The following ARHGEF28 variants were observed in gnomAD, a reference collection of about 807,000 sequenced individuals.
ARHGEF28 encodes 190 kDa guanine nucleotide exchange factor.
A neutral mutation model predicts 206.6 loss-of-function variants in ARHGEF28; 152 were observed. That is an observed-to-expected ratio of 0.74 (90% CI 0.64 to 0.84). The LOEUF (loss-of-function observed/expected upper bound fraction) is 0.84, where lower values mean the gene tolerates loss of function less well. ARHGEF28 is among the 40% of genes least tolerant of loss of function. ARHGEF28 has a pLI of 0.00. For missense variants in ARHGEF28, 2,028 were observed against 2,073.2 expected, an observed-to-expected ratio of 0.98 and a Z score of 0.42; for synonymous variants, 763 against 776.4, an observed-to-expected ratio of 0.98 and a Z score of 0.29.
chr5:73,665,438 C>G (rs909592606), intron 1 of ARHGEF28, among the ~76,000 whole-genome samples: 1 of 152,186 alleles, frequency 6.6e-6, no homozygotes, highest in Non-Finnish European at 1.5e-5. Context: ...CCTCCCACCT[C>G]AGCCTCCCAA....
chr5:73,857,580 CACACACAT>C (rs1180666013), intron 14 of ARHGEF28, 68 bp from the exon 15 acceptor site: 1,463 of 1,410,518 alleles, frequency 1.0e-3, no homozygotes, highest in Middle Eastern at 1.5e-3. Flanking sequence ...CACACACACA[CACACACAT>C]ACACACACAC....
At chr5:73,794,547 A>T in intron 8 of ARHGEF28, 93 bp downstream of exon 8, 1 of 1,013,550 alleles carries the variant, frequency 9.9e-7, no homozygotes, top group Non-Finnish European at 1.5e-6. Context: ...AAAAACACTA[A>T]AAAAAGGATG....
Position 73,901,203 on chromosome 5 carries a change from A to C in ARHGEF28, c.3993A>C (p.Arg1331Ser). The change falls in exon 31 of 36, where the codon AGA becomes AGC. Residue 1331 changes from arginine (R) to serine (S), a missense_variant. By Grantham distance (110) the Arg-to-Ser change is moderately radical. This residue lies in a region of ARHGEF28 where 803 missense variants were observed against 768.0 expected (regional missense o/e 1.05). Coordinates refer to ENST00000513042, the MANE Select transcript of ARHGEF28 (RefSeq NM_001177693.2). ...TTCCAGCATTAGTCACAGGAGGGAG[A>C]GAAGGAAGAGGCTGTTCGGATGTGG... ...SPTASLVTGG[R>S]EGRGCSDVDP... The C allele has an allele frequency of 1.2e-6, 2 of 1,613,068 alleles. No individual in the cohort carries two copies. The highest frequency in any genetic ancestry group is 1.7e-6 in the Non-Finnish European group (2 of 1,179,554).
intron 2 of ARHGEF28, among the ~76,000 whole-genome samples, chr5:73,731,467 G>A (rs112923105): frequency 2.0e-5 from 3 of 152,280 alleles, no homozygotes; most frequent in African/African-American, 4.8e-5. Context: ...TGGTTTTAAG[G>A]AAAGAATTGG....
chr5:73,640,688 A>G (rs1459463122), intron 1 of ARHGEF28, among the ~76,000 whole-genome samples: 1 of 152,212 alleles, frequency 6.6e-6, no homozygotes, highest in Non-Finnish European at 1.5e-5. Context: ...TTGCATTTCC[A>G]GTTTCCTCAT....
intron 1 of ARHGEF28, among the ~76,000 whole-genome samples, chr5:73,670,149 C>T (rs1156500310): frequency 6.6e-6 from 1 of 152,198 alleles, no homozygotes; most frequent in Non-Finnish European, 1.5e-5. Flanking sequence ...TCCCTTCCCC[C>T]AGTGTGGTGT....
At chr5:73,663,351 C>G (rs1745737571) in intron 1 of ARHGEF28, among the ~76,000 whole-genome samples, 1 of 152,188 alleles carries the variant, frequency 6.6e-6, no homozygotes, top group South Asian at 2.1e-4. Context: ...GGGCACTAGG[C>G]ACCGAGTGCT....
chr5:73,746,341 A>G (rs1333631369), intron 2 of ARHGEF28, among the ~76,000 whole-genome samples: 2 of 152,148 alleles, frequency 1.3e-5, no homozygotes, highest in Non-Finnish European at 2.9e-5. Flanking sequence ...GAATGCAATT[A>G]AAAAGGGTGC....
At chr5:73,687,385 A>G (rs1747539066) in intron 2 of ARHGEF28, among the ~76,000 whole-genome samples, 1 of 66,912 alleles carries the variant, frequency 1.5e-5, no homozygotes. Context: ...TATATTTAAC[A>G]TAACTGACAC....
At chr5:73,857,545 A>G (rs1265684668) in intron 14 of ARHGEF28, 111 bp from the exon 15 acceptor site, 1 of 1,132,330 alleles carries the variant, frequency 8.8e-7, no homozygotes, top group South Asian at 2.1e-5. Context: ...GAAAAAATAC[A>G]TACACATACA....
rs762044536 is a variant in ARHGEF28 at position 73,892,226 on chromosome 5, G to A, written c.3562G>A (p.Glu1188Lys). The A allele has an allele frequency of 1.9e-6, 3 of 1,560,092 alleles. No homozygotes were observed. The highest frequency in any genetic ancestry group is 2.6e-6 in the Non-Finnish European group (3 of 1,150,968). ...NWMRRIQQAV[E>K]SCPEEKGGRT... is the part of the protein sequence containing the mutation. ...GATGAGACGGATCCAGCAGGCTGTA[G>A]AAAGGTAACATTTCCTTCCGTCCAT... Residue 1188 changes from glutamate to lysine, a missense_variant, in exon 27 of 36, where the codon GAA (glutamate) becomes AAA (lysine). Around this residue, in one of 3 missense-constraint regions of ARHGEF28, gnomAD observed 803 missense variants for 768.0 expected, o/e 1.05. Coordinates refer to ENST00000513042, the MANE Select transcript of ARHGEF28 (RefSeq NM_001177693.2).
chr5:73,645,468 T>C (rs1744371762), intron 1 of ARHGEF28, among the ~76,000 whole-genome samples: 1 of 152,210 alleles, frequency 6.6e-6, no homozygotes, highest in African/African-American at 2.4e-5. Context: ...GAAAATACCA[T>C]ACTCTGATAG....
chr5:73,668,548 C>A (rs927702245), intron 1 of ARHGEF28, among the ~76,000 whole-genome samples: 1 of 152,204 alleles, frequency 6.6e-6, no homozygotes, highest in Non-Finnish European at 1.5e-5. Flanking sequence ...CTTAAAGGTT[C>A]CACTTGTCAA....
intron 2 of ARHGEF28, among the ~76,000 whole-genome samples, chr5:73,715,307 C>A (rs1749516672): frequency 1.3e-5 from 2 of 152,238 alleles, no homozygotes; most frequent in South Asian, 4.1e-4. Flanking sequence ...TTGTGGTTGC[C>A]CCTGCCACTA....
chr5:73,892,246 G>A lies in ARHGEF28; in HGVS notation c.3566+16G>A, dbSNP rs79394154. On this transcript the variant is annotated intron_variant, in intron 27 of 35. Transcript: ENST00000513042. ...CTGTAGAAAGGTAACATTTCCTTCC[G>A]TCCATAATCTATGGAACAGAGTTGT... 6,910 of 1,552,106 alleles carry A rather than the reference G, an allele frequency of 4.5e-3. 146 individuals are homozygous for A. In the African/African-American group the frequency reaches 0.055, roughly 12 times the overall value.
intron 2 of ARHGEF28, among the ~76,000 whole-genome samples, chr5:73,729,783 A>C (rs573197432): frequency 2.0e-5 from 3 of 152,300 alleles, no homozygotes; most frequent in South Asian, 4.1e-4. Flanking sequence ...AGTGTTAGAG[A>C]GTAGAACTTC....
intron 9 of ARHGEF28, among the ~76,000 whole-genome samples, chr5:73,819,985 A>G (rs558920198): frequency 6.6e-6 from 1 of 152,254 alleles, no homozygotes; most frequent in South Asian, 2.1e-4. Flanking sequence ...ACTGTATCAC[A>G]GCTGTTATTA....
At chr5:73,637,093 GT>G (rs1351952132) in intron 1 of ARHGEF28, among the ~76,000 whole-genome samples, 2 of 152,174 alleles carry the variant, frequency 1.3e-5, no homozygotes, top group Middle Eastern at 3.2e-3. Flanking sequence ...TAATAATCAA[GT>G]AATTATTTTT....
At chr5:73,899,585 G>T (rs1401343594) in intron 30 of ARHGEF28, 1 of 152,262 alleles carries the variant, frequency 6.6e-6, no homozygotes. Flanking sequence ...CTGGAACATG[G>T]TGCTATGAGA....
Sources: gnomAD v4.1 joint callset for allele counts (sites outside exome capture counted in the v4.1 genomes callset) on GRCh38, gnomAD v4.1.1 for gene constraint, gnomAD v4.1.1 regional missense constraint, MANE v1.5 for transcripts, NCBI Gene and HGNC (gene_info 2026-07-23, HGNC 2026-07-21) for gene names.